Variants in XPNPEP1 observed in about 807,000 individuals in gnomAD.
XPNPEP1 encodes X-prolyl aminopeptidase 1.
In XPNPEP1, 39 loss-of-function variants were observed where a neutral mutation model predicts 92.4. The observed-to-expected ratio is 0.42, with a 90% CI of 0.33 to 0.55. The LOEUF (loss-of-function observed/expected upper bound fraction) is 0.55. Among genes scored for constraint, XPNPEP1 ranks in the 20% least tolerant of loss-of-function variants. XPNPEP1 has a pLI of 0.08. For missense variants in XPNPEP1, 654 were observed against 856.1 expected (o/e 0.76, Z 2.95); for synonymous variants, 307 against 299.4 (o/e 1.03, Z -0.26).
chr10:109,903,654 C>T (rs1210543554), intron 3 of XPNPEP1, among the ~76,000 whole-genome samples: 1 of 152,104 alleles, frequency 6.6e-6, no homozygotes, highest in African/African-American at 2.4e-5. Context: ...ATCAGAGGGG[C>T]CCAAAGAAAA....
intron 1 of XPNPEP1, among the ~76,000 whole-genome samples, chr10:109,919,183 C>A (rs1325352231): frequency 6.6e-6 from 1 of 152,116 alleles, no homozygotes; most frequent in Non-Finnish European, 1.5e-5. Flanking sequence ...TCAAAGGATA[C>A]CATCAAGAAA....
intron 12 of XPNPEP1, among the ~76,000 whole-genome samples, chr10:109,879,841 T>C (rs931762422): frequency 2.0e-4 from 31 of 152,288 alleles, no homozygotes; most frequent in African/African-American, 7.5e-4. Context: ...GTTCAAAATG[T>C]ACACAAAGAT....
chr10:109,890,581 TGTGTGTGTGTGTGAGA>T (rs1157943626), intron 5 of XPNPEP1, among the ~76,000 whole-genome samples: 20 of 91,194 alleles, frequency 2.2e-4, no homozygotes, highest in African/African-American at 7.0e-4. Flanking sequence ...TGTGTGTGTG[TGTGTGTGTGTGTGAGA>T]GAGAGAGAGA....
chr10:109,909,074 T>G (rs1849715615), intron 2 of XPNPEP1, among the ~76,000 whole-genome samples: 1 of 151,930 alleles, frequency 6.6e-6, no homozygotes, highest in African/African-American at 2.4e-5. Context: ...ATCGAGACCA[T>G]CCTGGCTAAC....
In XPNPEP1 at chr10:109,864,845, C is replaced by T; in HGVS notation, c.*339G>A. 3.1e-6 allele frequency: 1 copy of T among 322,878 alleles called. No homozygotes were observed. The highest frequency in any genetic ancestry group is 6.0e-6 in the Non-Finnish European group (1 of 167,452). 20.0% of individuals were successfully genotyped at this position (322,878 alleles called of 1,614,324 possible). On this transcript the variant is annotated 3_prime_UTR_variant, in exon 21 of 21. Transcript: ENST00000502935. ...GGTGATCATGAATGATGTACTAGCA[C>T]CTGGAACATGACCATCATGGAGCAC...
chr10:109,876,228 G>A lies in XPNPEP1; in HGVS notation c.1320-629C>T, dbSNP rs767341379. On this transcript the variant is annotated intron_variant, in intron 14 of 20. Transcript: ENST00000502935. ...AAAAAGTGATCTCTTTCCCCACACC[G>A]TTTTCAAAACAATATCACTGCACTG... The A allele has an allele frequency of 3.0e-4, 45 of 152,500 alleles. 2 individuals are homozygous for A. Among genetic ancestry groups the A allele is most frequent in the Admixed American group, 1.8e-3 (27 of 15,314 alleles). The allele number at this position is 152,500 out of a possible 1,614,324, so 9.4% of individuals were successfully genotyped here.
At chr10:109,890,583 TGTGTGTGTGTGAGAGA>T (rs1458424303) in intron 5 of XPNPEP1, among the ~76,000 whole-genome samples, 11 of 91,634 alleles carry the variant, frequency 1.2e-4, no homozygotes, top group African/African-American at 1.9e-4. Flanking sequence ...TGTGTGTGTG[TGTGTGTGTGTGAGAGA>T]GAGAGAGAGA....
intron 1 of XPNPEP1, among the ~76,000 whole-genome samples, chr10:109,915,984 C>G (rs1850165156): frequency 6.6e-6 from 1 of 152,160 alleles, no homozygotes; most frequent in African/African-American, 2.4e-5. Flanking sequence ...GTGAACAAAA[C>G]AGACAAGATC....
chr10:109,872,396 G>A (rs1847536345), intron 16 of XPNPEP1, among the ~76,000 whole-genome samples: 1 of 152,202 alleles, frequency 6.6e-6, no homozygotes, highest in Non-Finnish European at 1.5e-5. Flanking sequence ...ATCTTCAGGG[G>A]TTATCCCCAC....
chr10:109,922,174 T>C (rs182914563), intron 1 of XPNPEP1, among the ~76,000 whole-genome samples: 207 of 152,330 alleles, frequency 1.4e-3, no homozygotes, highest in African/African-American at 4.8e-3. Context: ...ATTCTACCAG[T>C]AGGGGAGGCG....
In XPNPEP1 at chr10:109,881,083, A is replaced by G. The variant is rs111832114; in HGVS notation, c.1042-152T>C. On this transcript the variant is annotated intron_variant, in intron 10 of 20. Coordinates refer to ENST00000502935, the MANE Select transcript of XPNPEP1 (RefSeq NM_020383.4). The stretch of plus-strand genomic sequence containing the variant: ...CATATAGCTATCCCCTGGGGCCCCA[A>G]CGACCTGTCCCTTTTGATTGATGAC... 2.5e-3 allele frequency: 1,606 copies of G among 636,486 alleles called. 6 individuals are homozygous for G. Among genetic ancestry groups the G allele is most frequent in the Non-Finnish European group, 3.2e-3 (1,197 of 370,472 alleles). 39.4% of individuals were successfully genotyped at this position (636,486 alleles called of 1,614,324 possible).
intron 4 of XPNPEP1, 127 bp downstream of exon 4, chr10:109,892,885 A>G (rs1476446986): frequency 1.1e-6 from 1 of 898,152 alleles, no homozygotes; most frequent in Non-Finnish European, 1.7e-6. Flanking sequence ...CTTTCTGCAG[A>G]GAGTCAATGT....
intron 16 of XPNPEP1, 36 bp from the exon 17 acceptor site, chr10:109,871,897 G>A (rs1231780080): frequency 2.5e-6 from 4 of 1,600,424 alleles, no homozygotes; most frequent in Non-Finnish European, 3.4e-6. Context: ...TGCAGAATGG[G>A]GACAGATGTC....
Position 109,864,889 on chromosome 10 carries a change from T to C in XPNPEP1, c.*295A>G. On this transcript the variant is annotated 3_prime_UTR_variant, in exon 21 of 21. Transcript: ENST00000502935. ...GGAGCACTCACTGATTCCCCATCAC[T>C]GGCCAAAGAAGTCGGGGCATCTTCC... is the stretch of plus-strand genomic sequence containing the variant. 2.5e-6 allele frequency: 1 copy of C among 392,298 alleles called. No homozygotes were observed. The highest frequency in any genetic ancestry group is 2.0e-5 in the African/African-American group (1 of 49,104). 24.3% of individuals were successfully genotyped at this position (392,298 alleles called of 1,614,324 possible).
intron 3 of XPNPEP1, among the ~76,000 whole-genome samples, chr10:109,902,165 C>A (rs1262199938): frequency 6.6e-6 from 1 of 152,222 alleles, no homozygotes; most frequent in Non-Finnish European, 1.5e-5. Flanking sequence ...CAAAGGGAAT[C>A]TCATTCATCT....
At chr10:109,918,342 G>C (rs1589642620) in intron 1 of XPNPEP1, among the ~76,000 whole-genome samples, 1 of 151,984 alleles carries the variant, frequency 6.6e-6, no homozygotes, top group Non-Finnish European at 1.5e-5. Flanking sequence ...GATCGCTTAA[G>C]CCAGAGAGGT....
chr10:109,870,068 C>CTGTA (rs774878524), intron 18 of XPNPEP1, 39 bp from the exon 19 acceptor site: 164 of 1,605,092 alleles, frequency 1.0e-4, no homozygotes, highest in Non-Finnish European at 1.3e-4. Context: ...AAGCAGCCCA[C>CTGTA]GATGAAGATG....
chr10:109,910,172 A>T (rs895253005), intron 2 of XPNPEP1, among the ~76,000 whole-genome samples: 5 of 152,138 alleles, frequency 3.3e-5, no homozygotes, highest in African/African-American at 1.2e-4. Context: ...CTGTCTCCAT[A>T]GTTTTGCCTG....
chr10:109,912,705 T>C (rs1031753187), intron 2 of XPNPEP1, among the ~76,000 whole-genome samples: 1 of 152,214 alleles, frequency 6.6e-6, no homozygotes, highest in Non-Finnish European at 1.5e-5. Flanking sequence ...ACAAATGTCA[T>C]GTAAATGTTT....
Sources: gnomAD v4.1 joint callset for allele counts (sites outside exome capture counted in the v4.1 genomes callset) on GRCh38, gnomAD v4.1.1 for gene constraint, MANE v1.5 for transcripts, NCBI Gene and HGNC (gene_info 2026-07-23, HGNC 2026-07-21) for gene names.